COA1: variants seen among roughly 807,000 people sequenced by gnomAD.
COA1 encodes cytochrome c oxidase assembly factor 1 homolog.
Under a neutral mutation model 16.0 loss-of-function variants are expected in COA1, and 13 were observed. The observed-to-expected ratio is 0.81, with a 90% CI of 0.53 to 1.29. The LOEUF (loss-of-function observed/expected upper bound fraction) is 1.29, where lower values mean the gene tolerates loss of function less well. COA1 is among the 50% of genes most tolerant of loss of function. The pLI, the probability that COA1 is intolerant of heterozygous loss-of-function variation, is 0.00. For missense variants in COA1, 179 were observed against 177.0 expected (o/e 1.01, Z -0.06); for synonymous variants, 65 against 65.7 (o/e 0.99, Z 0.05).
intron 1 of COA1, among the ~76,000 whole-genome samples, chr7:43,728,681 AAC>A (rs1425525446): frequency 6.6e-6 from 1 of 152,216 alleles, no homozygotes; most frequent in African/African-American, 2.4e-5. Context: ...GGACAGAAAT[AAC>A]ACAATCTGAT....
rs376040949 is a variant in COA1 at position 43,612,970 on chromosome 7, G to A, written c.*134-3475C>T. Among the ~76,000 whole-genome samples the A allele has an allele frequency of 2.7e-4, 41 of 152,212 alleles. No homozygotes were observed. In the South Asian group the frequency reaches 8.3e-3, roughly 31 times the overall value. ...GCAAATCTGAGAAACAACAACCCTGGCAAAGTCAGAACAAAACCAACTAAA... is the reference window on the plus strand; with the variant it reads ...GCAAATCTGAGAAACAACAACCCTGACAAAGTCAGAACAAAACCAACTAAA... On this transcript the variant is annotated intron_variant and NMD_transcript_variant, in intron 6 of 6. Transcript: ENST00000415076.
At chr7:43,686,613 A>T (rs929603115) in intron 1 of COA1, among the ~76,000 whole-genome samples, 3 of 152,206 alleles carry the variant, frequency 2.0e-5, no homozygotes, top group Non-Finnish European at 4.4e-5. Flanking sequence ...TCTTTTAATA[A>T]ATTAGAGAAA....
At position 43,691,340 on chromosome 7, in the gene COA1, A is replaced by G. The variant is rs1156575551; in HGVS notation, c.-39+38089T>C. Among the ~76,000 whole-genome samples the G allele has an allele frequency of 1.3e-3, 62 of 47,436 alleles. 2 individuals are homozygous for G. Among genetic ancestry groups the G allele is most frequent in the South Asian group, 4.3e-3 (5 of 1,164 alleles). 31.1% of individuals were successfully genotyped at this position (47,436 alleles called of 152,430 possible). ...AAGAAAGAAAGAAAGAGAAAGAGAG[A>G]GAGGGAGGGAGGGAGGGAGGGAGGG... On this transcript the variant is annotated intron_variant, in intron 1 of 5. Transcript: ENST00000223336.
At chr7:43,672,252 C>T (rs147616209) in intron 1 of COA1, among the ~76,000 whole-genome samples, 1 of 152,288 alleles carries the variant, frequency 6.6e-6, no homozygotes, top group Admixed American at 6.5e-5. Context: ...CCCTGATGAA[C>T]ACAGATGCAA....
exon 7 of COA1, chr7:43,609,182 CCTT>C (rs1458131658): frequency 2.0e-5 from 3 of 152,186 alleles, no homozygotes; most frequent in Admixed American, 1.3e-4. Context: ...TTCAGCTCTG[CCTT>C]CTTTGAATGA....
At chr7:43,620,330 T>C (rs2083750959) in intron 6 of COA1, among the ~76,000 whole-genome samples, 1 of 152,196 alleles carries the variant, frequency 6.6e-6, no homozygotes, top group African/African-American at 2.4e-5. Flanking sequence ...CTTTTTAAGG[T>C]ATCTGTAGAA....
At chr7:43,727,520 T>C (rs930502830) in intron 1 of COA1, among the ~76,000 whole-genome samples, 1 of 152,026 alleles carries the variant, frequency 6.6e-6, no homozygotes, top group African/African-American at 2.4e-5. Context: ...CATAAAAGAT[T>C]AACCAGCAAT....
chr7:43,657,963 TGCAGTGAGCCAAGATCCTGC>T (rs2091961360), intron 1 of COA1, among the ~76,000 whole-genome samples: 1 of 152,106 alleles, frequency 6.6e-6, no homozygotes, highest in Non-Finnish European at 1.5e-5. Flanking sequence ...AGGCGGAGGT[TGCAGTGAGCCAAGATCCTGC>T]CACTGTACTT....
At chr7:43,714,801 A>G (rs1009284752) in intron 1 of COA1, among the ~76,000 whole-genome samples, 3 of 152,006 alleles carry the variant, frequency 2.0e-5, no homozygotes, top group African/African-American at 4.8e-5. Context: ...TGCAGCCAGG[A>G]GTTCGAGACC....
intron 6 of COA1, among the ~76,000 whole-genome samples, chr7:43,610,906 C>G (rs1036683592): frequency 1.3e-5 from 2 of 152,156 alleles, no homozygotes; most frequent in South Asian, 2.1e-4. Flanking sequence ...CGCTTGAGGT[C>G]AGGAGTTTGA....
chr7:43,647,493 C>T lies in COA1; in HGVS notation c.115+42G>A, dbSNP rs73690104. The T allele has an allele frequency of 4.6e-4, 596 of 1,300,168 alleles. 2 individuals are homozygous for T. The African/African-American group carries it at 7.3e-3, about 16-fold the overall frequency. The allele number at this position is 1,300,168 out of a possible 1,614,324, so 80.5% of individuals were successfully genotyped here. On this transcript the variant is annotated intron_variant, in intron 3 of 5. Coordinates refer to ENST00000223336, the MANE Select transcript of COA1 (RefSeq NM_018224.4). ...CCTCTGATGGAGGAGCAGGAGCAGG[C>T]TAGGAGGAGGTCAGGCCGCAGGCGG... is the stretch of plus-strand genomic sequence containing the variant.
chr7:43,683,889 A>G (rs2093890391), intron 1 of COA1, among the ~76,000 whole-genome samples: 1 of 152,212 alleles, frequency 6.6e-6, no homozygotes, highest in Admixed American at 6.5e-5. Flanking sequence ...TATCATACGC[A>G]TGAATTCTGT....
chr7:43,628,665 C>T (rs2084867379), intron 6 of COA1, among the ~76,000 whole-genome samples: 1 of 152,164 alleles, frequency 6.6e-6, no homozygotes, highest in Non-Finnish European at 1.5e-5. Flanking sequence ...GTGGCGGTAT[C>T]TCATGGTGGT....
At chr7:43,620,187 T>C (rs748506850) in intron 6 of COA1, among the ~76,000 whole-genome samples, 1 of 152,088 alleles carries the variant, frequency 6.6e-6, no homozygotes, top group African/African-American at 2.4e-5. Flanking sequence ...AGCTTAAACA[T>C]TGAAGGTAGC....
intron 4 of COA1, among the ~76,000 whole-genome samples, chr7:43,642,853 T>A (rs1303989822): frequency 1.3e-5 from 2 of 152,164 alleles, no homozygotes; most frequent in Non-Finnish European, 2.9e-5. Flanking sequence ...CTGAAACATC[T>A]CACCTCTGGA....
intron 1 of COA1, among the ~76,000 whole-genome samples, chr7:43,657,601 G>A (rs555964719): frequency 6.6e-6 from 1 of 152,088 alleles, no homozygotes; most frequent in South Asian, 2.1e-4. Flanking sequence ...AAACAGACAG[G>A]TCATTTATGG....
intron 1 of COA1, among the ~76,000 whole-genome samples, chr7:43,685,405 C>A (rs944367485): frequency 6.6e-6 from 1 of 152,072 alleles, no homozygotes; most frequent in African/African-American, 2.4e-5. Context: ...ATCTACAACA[C>A]AAGATCTACA....
At chr7:43,668,902 A>T (rs1217479562) in intron 1 of COA1, among the ~76,000 whole-genome samples, 1 of 152,244 alleles carries the variant, frequency 6.6e-6, no homozygotes, top group Admixed American at 6.5e-5. Flanking sequence ...CAATAGGGTT[A>T]TACAGAGTAG....
At chr7:43,675,915 A>T (rs1300922871) in intron 1 of COA1, among the ~76,000 whole-genome samples, 1 of 152,130 alleles carries the variant, frequency 6.6e-6, no homozygotes, top group Non-Finnish European at 1.5e-5. Context: ...TACTATTTAA[A>T]TAAAAGAATT....
Sources: gnomAD v4.1 joint callset for allele counts (sites outside exome capture counted in the v4.1 genomes callset) on GRCh38, gnomAD v4.1.1 for gene constraint, MANE v1.5 for transcripts, NCBI Gene and HGNC (gene_info 2026-07-23, HGNC 2026-07-21) for gene names.